Variants in LPP observed in about 807,000 individuals in gnomAD.
LPP encodes lipoma-preferred partner.
Under a neutral mutation model 60.4 loss-of-function variants are expected in LPP, and 38 were observed. The observed-to-expected ratio is 0.63, with a 90% CI of 0.49 to 0.83. The LOEUF (loss-of-function observed/expected upper bound fraction) is 0.83, where lower values mean the gene tolerates loss of function less well. LPP is among the 40% of genes least tolerant of loss of function. The pLI, the probability that LPP is intolerant of heterozygous loss-of-function variation, is 0.00. For synonymous variants in LPP, 328 were observed against 290.8 expected, an observed-to-expected ratio of 1.13 and a Z score of -1.30; for missense variants, 902 against 783.6, an observed-to-expected ratio of 1.15 and a Z score of -1.80.
chr3:188,158,386 C>T (rs1050563463), intron 1 of LPP, among the ~76,000 whole-genome samples: 3 of 152,096 alleles, frequency 2.0e-5, no homozygotes, highest in African/African-American at 7.2e-5. Context: ...AACCTGAGGG[C>T]AAGGGGAAGG....
intron 4 of LPP, among the ~76,000 whole-genome samples, chr3:188,461,338 T>C (rs2149433487): frequency 6.6e-6 from 1 of 152,236 alleles, no homozygotes; most frequent in East Asian, 1.9e-4. Flanking sequence ...AAAAATAAAA[T>C]TAAAAGGCAA....
chr3:188,550,772 A>T (rs1827919384), intron 6 of LPP, among the ~76,000 whole-genome samples: 1 of 152,110 alleles, frequency 6.6e-6, no homozygotes, highest in South Asian at 2.1e-4. Flanking sequence ...CACATAGATT[A>T]TGGTTTAAAA....
intron 5 of LPP, among the ~76,000 whole-genome samples, chr3:188,492,563 G>A (rs890321350): frequency 3.9e-5 from 6 of 152,146 alleles, no homozygotes; most frequent in African/African-American, 7.2e-5. Flanking sequence ...CTGTGTGGTC[G>A]TGTGTGCCTG....
chr3:188,799,686 A>G (rs1490232507), intron 9 of LPP, among the ~76,000 whole-genome samples: 5 of 152,148 alleles, frequency 3.3e-5, no homozygotes, highest in Non-Finnish European at 5.9e-5. Context: ...AGTCTTTATC[A>G]CAAAAAGGTA....
chr3:188,772,377 A>T (rs1736319635), intron 9 of LPP, among the ~76,000 whole-genome samples: 2 of 152,156 alleles, frequency 1.3e-5, no homozygotes, highest in African/African-American at 4.8e-5. Context: ...CTCTCATAGG[A>T]TTGATCCTCA....
chr3:188,749,482 G>A (rs746829868), intron 8 of LPP, among the ~76,000 whole-genome samples: 3 of 152,242 alleles, frequency 2.0e-5, no homozygotes, highest in East Asian at 3.9e-4. Flanking sequence ...GCTACTAAAC[G>A]GTAAAACAGA....
chr3:188,370,361 G>C (rs1772659845), intron 3 of LPP, among the ~76,000 whole-genome samples: 1 of 152,186 alleles, frequency 6.6e-6, no homozygotes, highest in Non-Finnish European at 1.5e-5. Flanking sequence ...TTCGCACGTT[G>C]CTCTTGTGCC....
intron 10 of LPP, among the ~76,000 whole-genome samples, chr3:188,869,924 C>A (rs1027831400): frequency 5.3e-5 from 8 of 152,190 alleles, no homozygotes; most frequent in Admixed American, 1.3e-4. Flanking sequence ...ATCTCCCCTA[C>A]CCTAACACAC....
chr3:188,805,240 A>G (rs73888909), intron 9 of LPP, among the ~76,000 whole-genome samples: 2,303 of 152,048 alleles, frequency 0.015, 62 homozygotes, highest in African/African-American at 0.051. Flanking sequence ...TTCCTCTCTT[A>G]TATTCTGGAA....
intron 9 of LPP, among the ~76,000 whole-genome samples, chr3:188,824,713 C>T (rs1754916024): frequency 6.6e-6 from 1 of 152,178 alleles, no homozygotes; most frequent in African/African-American, 2.4e-5. Flanking sequence ...TACATCACCA[C>T]AGATGTGAGA....
rs1347664608 is a variant in LPP at position 188,610,879 on chromosome 3, GA to G, written c.1113+1038del. Among the ~76,000 whole-genome samples the G allele has an allele frequency of 6.6e-6, 1 of 152,172 alleles. No individual in the cohort carries two copies. Among genetic ancestry groups the G allele is most frequent in the Non-Finnish European group, 1.5e-5 (1 of 68,028 alleles). ...TGCTTCTTTTCAGTTAGAACTGTGA[GA>G]AATCAGAAATTTGAGAGCCCTCAAT... On this transcript the variant is annotated intron_variant, in intron 7 of 11. Coordinates refer to ENST00000617246, the MANE Select transcript of LPP (RefSeq NM_001375462.1). This position sits in a 1 kb window ranked among gnomAD's most constrained non-coding sequence, Gnocchi z 4.4.
At chr3:188,259,089 T>C (rs1732681075) in intron 2 of LPP, among the ~76,000 whole-genome samples, 1 of 152,220 alleles carries the variant, frequency 6.6e-6, no homozygotes, top group African/African-American at 2.4e-5. Context: ...TTATGGGGTA[T>C]TCACAATCAC....
intron 4 of LPP, among the ~76,000 whole-genome samples, chr3:188,446,995 AAGG>A (rs1795375451): frequency 6.6e-6 from 1 of 152,176 alleles, no homozygotes; most frequent in Non-Finnish European, 1.5e-5. Flanking sequence ...TGGCTTAATT[AAGG>A]AGGTTTTTTG....
chr3:188,470,063 A>G (rs1331141410), intron 4 of LPP, among the ~76,000 whole-genome samples: 1 of 152,094 alleles, frequency 6.6e-6, no homozygotes, highest in East Asian at 1.9e-4. Context: ...AAAAATATTG[A>G]GAATCAAAAG....
chr3:188,319,949 A>G (rs1756452582), intron 2 of LPP, among the ~76,000 whole-genome samples: 1 of 152,020 alleles, frequency 6.6e-6, no homozygotes, highest in South Asian at 2.1e-4. Context: ...TGTTTTTAGG[A>G]CCTTGACACT....
intron 2 of LPP, among the ~76,000 whole-genome samples, chr3:188,332,271 T>C (rs1197439200): frequency 2.6e-5 from 4 of 152,222 alleles, no homozygotes; most frequent in African/African-American, 9.6e-5. Context: ...TTAATCTTCC[T>C]GTGAAAATTG....
At chr3:188,223,320 G>T (rs915961304) in intron 1 of LPP, among the ~76,000 whole-genome samples, 63 of 152,178 alleles carry the variant, frequency 4.1e-4, no homozygotes, top group African/African-American at 1.5e-3. Context: ...ATAACCGGGT[G>T]GGGGGGATAA....
At chr3:188,645,236 T>G (rs1850887622) in intron 7 of LPP, among the ~76,000 whole-genome samples, 1 of 152,016 alleles carries the variant, frequency 6.6e-6, no homozygotes, top group Non-Finnish European at 1.5e-5. Context: ...GTCCTACTTC[T>G]CAGTTCTAGA....
intron 5 of LPP, among the ~76,000 whole-genome samples, chr3:188,504,300 T>C (rs867756225): frequency 7.9e-5 from 12 of 152,248 alleles, no homozygotes; most frequent in African/African-American, 2.9e-4. Context: ...TTTTTCTGTA[T>C]TGATATTCCC....
Sources: gnomAD v4.1 joint callset for allele counts (sites outside exome capture counted in the v4.1 genomes callset) on GRCh38, gnomAD v4.1.1 for gene constraint, Gnocchi (gnomAD v3.1) non-coding constraint, MANE v1.5 for transcripts, NCBI Gene and HGNC (gene_info 2026-07-23, HGNC 2026-07-21) for gene names.